EYS: variants seen among roughly 807,000 people sequenced by gnomAD.
EYS encodes the protein EGF-like photoreceptor maintenance factor.
EYS carries 250 observed loss-of-function variants against 282.1 expected under a neutral mutation model. The observed-to-expected ratio is 0.89, with a 90% CI of 0.80 to 0.98. The LOEUF (loss-of-function observed/expected upper bound fraction) is 0.98, where lower values mean the gene tolerates loss of function less well. EYS is among the 50% of genes least tolerant of loss of function. The probability of loss-of-function intolerance (pLI) is 0.00; values close to 1 mark genes in which losing one functional copy is unlikely to be tolerated. For missense variants in EYS, 4,016 were observed against 3,709.0 expected (o/e 1.08, Z -2.15); for synonymous variants, 1,355 against 1,282.9 (o/e 1.06, Z -1.20).
chr6:65,535,846 T>A (rs1179731286), intron 2 of EYS, among the ~76,000 whole-genome samples: 2 of 152,042 alleles, frequency 1.3e-5, no homozygotes, highest in Non-Finnish European at 1.5e-5. Flanking sequence ...ACACCCAGAA[T>A]AATGTTGGCC....
intron 9 of EYS, among the ~76,000 whole-genome samples, chr6:65,350,742 C>T (rs1770567670): frequency 6.6e-6 from 1 of 151,596 alleles, no homozygotes; most frequent in Non-Finnish European, 1.5e-5. Context: ...TGAAAAGAAA[C>T]AGTGCATGTC....
intron 29 of EYS, among the ~76,000 whole-genome samples, chr6:64,338,118 A>C (rs1770926986): frequency 6.6e-6 from 1 of 152,036 alleles, no homozygotes; most frequent in South Asian, 2.1e-4. Flanking sequence ...TAGTACTGAA[A>C]GTTTTAGGCA....
intron 12 of EYS, among the ~76,000 whole-genome samples, chr6:65,184,687 A>T (rs1375980261): frequency 1.3e-5 from 2 of 151,802 alleles, no homozygotes; most frequent in Non-Finnish European, 2.9e-5. Flanking sequence ...AACTGAATTT[A>T]AAAATAATTA....
At chr6:63,951,087 T>A (rs1765574484) in intron 35 of EYS, among the ~76,000 whole-genome samples, 1 of 152,012 alleles carries the variant, frequency 6.6e-6, no homozygotes, top group South Asian at 2.1e-4. Flanking sequence ...TCACCCCTTC[T>A]CTCCGTGTCT....
At chr6:64,559,397 G>A (rs1460878462) in intron 26 of EYS, among the ~76,000 whole-genome samples, 1 of 151,446 alleles carries the variant, frequency 6.6e-6, no homozygotes, top group African/African-American at 2.4e-5. Flanking sequence ...CGTCTCAAGG[G>A]ATCCTTCCAC....
intron 22 of EYS, among the ~76,000 whole-genome samples, chr6:64,660,145 A>G (rs1394829208): frequency 6.6e-6 from 1 of 152,236 alleles, no homozygotes. Context: ...CCACATGATT[A>G]TCTCAATAGA....
intron 12 of EYS, among the ~76,000 whole-genome samples, chr6:65,237,670 G>A (rs927412294): frequency 2.0e-5 from 3 of 152,052 alleles, no homozygotes; most frequent in South Asian, 2.1e-4. Context: ...CCTCATTTAC[G>A]ATTCTGATAA....
Position 65,405,341 on chromosome 6 carries a change from G to A in EYS, c.889C>T (p.Pro297Ser), listed in dbSNP as rs780788241. ...SGPFCEVSAK[P>S]CVSLLFWKRG... ...TTCCAAAAAAGCAGAGAAACACAAG[G>A]TTTTGCTGACACCTCACAGAATGGA... is the stretch of plus-strand genomic sequence containing the variant. The change falls in exon 6 of 43, where the codon CCT becomes TCT. Residue 297 changes from proline to serine, a missense_variant. By Grantham distance (74) the Pro-to-Ser change is moderately conservative (BLOSUM62 -1). Transcript: ENST00000503581. 3.7e-6 allele frequency: 6 copies of A among 1,611,028 alleles called. No homozygotes were observed. The Admixed American group carries it at 8.4e-5, about 23-fold the overall frequency.
At chr6:64,892,160 A>T (rs1008968002) in intron 18 of EYS, among the ~76,000 whole-genome samples, 1 of 151,938 alleles carries the variant, frequency 6.6e-6, no homozygotes, top group Non-Finnish European at 1.5e-5. Flanking sequence ...AATCACATGA[A>T]TTTATAGCCC....
chr6:63,722,925 G>C (rs150209519), intron 42 of EYS, among the ~76,000 whole-genome samples: 1 of 152,120 alleles, frequency 6.6e-6, no homozygotes, highest in Non-Finnish European at 1.5e-5. Flanking sequence ...ATACTATGTC[G>C]TTACATATGT....
At chr6:64,299,308 T>C (rs576636357) in intron 30 of EYS, among the ~76,000 whole-genome samples, 28 of 152,352 alleles carry the variant, frequency 1.8e-4, no homozygotes, top group African/African-American at 6.7e-4. Flanking sequence ...AAATCTGTAC[T>C]GAATAAATGC....
intron 21 of EYS, among the ~76,000 whole-genome samples, chr6:64,821,432 A>G (rs2150021762): frequency 1.3e-5 from 2 of 152,010 alleles, no homozygotes; most frequent in South Asian, 2.1e-4. Flanking sequence ...TTTTCTAACA[A>G]CAAGAGACAA....
At chr6:65,485,400 A>G (rs1292329083) in intron 5 of EYS, among the ~76,000 whole-genome samples, 1 of 152,240 alleles carries the variant, frequency 6.6e-6, no homozygotes, top group Non-Finnish European at 1.5e-5. Flanking sequence ...TGACTGTCCC[A>G]AAATTATTTT....
In EYS at chr6:65,375,068, A is replaced by G. The variant is rs1039489737; in HGVS notation, c.1299+9318T>C. ...ACTGCCTCCTCAAGTGGGTTCCCTG[A>G]CCCCTGTGCCTCCTGACTGTGAGAG... is the stretch of plus-strand genomic sequence containing the variant. On this transcript the variant is annotated intron_variant, in intron 8 of 42. Coordinates refer to ENST00000503581, the MANE Select transcript of EYS (RefSeq NM_001142800.2). Among the ~76,000 whole-genome samples, 10 of 152,086 alleles carry G rather than the reference A, an allele frequency of 6.6e-5. 1 individual carries two copies. Among genetic ancestry groups the G allele is most frequent in the Admixed American group, 6.5e-4 (10 of 15,274 alleles).
rs539932653 is a variant in EYS at position 65,645,032 on chromosome 6, G to C, written c.-447-5140C>G. 5.9e-5 allele frequency among the ~76,000 whole-genome samples: 9 copies of C among 152,218 alleles called. No homozygotes were observed. In the East Asian group the frequency reaches 1.4e-3, roughly 23 times the overall value. On this transcript the variant is annotated intron_variant, in intron 1 of 42. Coordinates refer to ENST00000503581, the MANE Select transcript of EYS (RefSeq NM_001142800.2). ...GTATTCAGGCAACAAATAGCATGAT[G>C]AATAGGATAATAATACCTCACATCT...
chr6:65,434,421 C>T (rs9445546), intron 5 of EYS, among the ~76,000 whole-genome samples: 17,119 of 151,470 alleles, frequency 0.11, 1,437 homozygotes, highest in African/African-American at 0.22. Context: ...CCCACGTTCA[C>T]GCCATTCTCC....
chr6:64,610,683 C>T (rs1226864946), intron 24 of EYS, among the ~76,000 whole-genome samples: 2 of 152,142 alleles, frequency 1.3e-5, no homozygotes, highest in African/African-American at 4.8e-5. Flanking sequence ...GGGTTACAGG[C>T]ATGAGCCACT....
At chr6:65,310,218 C>T (rs1769118884) in intron 11 of EYS, among the ~76,000 whole-genome samples, 1 of 152,070 alleles carries the variant, frequency 6.6e-6, no homozygotes, top group African/African-American at 2.4e-5. Flanking sequence ...GTGGCATGTG[C>T]CTGTAATCCC....
At chr6:65,116,629 G>T (rs1038238079) in intron 12 of EYS, among the ~76,000 whole-genome samples, 2 of 152,072 alleles carry the variant, frequency 1.3e-5, no homozygotes, top group Non-Finnish European at 2.9e-5. Flanking sequence ...TCCTTCAGGA[G>T]ATAGGAAAGA....
Sources: allele counts gnomAD v4.1 joint callset (sites outside exome capture counted in the v4.1 genomes callset), GRCh38; gene constraint gnomAD v4.1.1; transcripts MANE v1.5; gene names NCBI Gene and HGNC (gene_info 2026-07-23, HGNC 2026-07-21).